ERI1: variants seen among roughly 807,000 people sequenced by gnomAD.
The protein encoded by ERI1 is 3'-5' exoribonuclease 1.
In ERI1, 39 loss-of-function variants were observed where a neutral mutation model predicts 39.7. That is an observed-to-expected ratio of 0.98 (90% CI 0.76 to 1.28). The LOEUF (loss-of-function observed/expected upper bound fraction) is 1.28, where lower values mean the gene tolerates loss of function less well. Among genes scored for constraint, ERI1 ranks in the 50% most tolerant of loss-of-function variants. The probability of loss-of-function intolerance (pLI) is 0.00; values close to 1 mark genes in which losing one functional copy is unlikely to be tolerated. For missense variants in ERI1, 581 were observed against 416.9 expected (o/e 1.39, Z -3.43); for synonymous variants, 204 against 149.6 (o/e 1.36, Z -2.65).
chr8:9,016,284 C>T, intron 3 of ERI1, 38 bp from the exon 4 acceptor site: 4 of 1,325,612 alleles, frequency 3.0e-6, no homozygotes, highest in South Asian at 1.3e-5. Flanking sequence ...TATCTTAACT[C>T]ATATAAATTA....
At chr8:9,050,170 C>A (rs1241440377) in intron 3 of ERI1, among the ~76,000 whole-genome samples, 2 of 149,082 alleles carry the variant, frequency 1.3e-5, no homozygotes. Flanking sequence ...TCTAAGTGGT[C>A]AAAAAAAAAA....
intron 3 of ERI1, among the ~76,000 whole-genome samples, chr8:9,074,164 A>G (rs1359046054): frequency 2.6e-5 from 4 of 151,656 alleles, no homozygotes; most frequent in Non-Finnish European, 5.9e-5. Flanking sequence ...ATACTGGAGT[A>G]TGGTGGTGCA....
At chr8:9,023,519 C>CTTT (rs1477737082) in intron 6 of ERI1, among the ~76,000 whole-genome samples, 1 of 151,992 alleles carries the variant, frequency 6.6e-6, no homozygotes, top group Non-Finnish European at 1.5e-5. Context: ...ATGCTCCCTC[C>CTTT]TTTTTTGAGT....
Position 9,032,978 on chromosome 8 carries a change from A to T in ERI1, c.*2944A>T, listed in dbSNP as rs1203616569. 1 of 152,236 alleles carries T rather than the reference A, an allele frequency of 6.6e-6. No homozygotes were observed. Among genetic ancestry groups the T allele is most frequent in the African/African-American group, 2.4e-5 (1 of 41,462 alleles). The allele number at this position is 152,236 out of a possible 1,614,324, so 9.4% of individuals were successfully genotyped here. On this transcript the variant is annotated 3_prime_UTR_variant, in exon 7 of 7. Coordinates refer to ENST00000250263, the MANE Select transcript of ERI1 (RefSeq NM_153332.4). ...CGAGACCAGAGACTGTGACTTCTGC[A>T]TCTTTGATTCCAGCGACATATGATA...
At chr8:9,084,098 T>A (rs1159090937) in intron 3 of ERI1, among the ~76,000 whole-genome samples, 1 of 149,170 alleles carries the variant, frequency 6.7e-6, no homozygotes, top group African/African-American at 2.4e-5. Flanking sequence ...CAGCCTAAAA[T>A]TTTTTTTTTT....
Position 9,004,382 on chromosome 8 carries a change from G to T in ERI1, c.108+1211G>T, listed in dbSNP as rs1310210215. ...ATGCTTCTTTATATTTGAAAGTCTT[G>T]ACACTTTTACAGCTACTTAAGGCCT... is the stretch of plus-strand genomic sequence containing the variant. On this transcript the variant is annotated intron_variant, in intron 1 of 6. Transcript: ENST00000250263. 5 of 825,134 alleles carry T rather than the reference G, an allele frequency of 6.1e-6. No homozygotes were observed. The East Asian group carries it at 4.2e-4, about 70-fold the overall frequency. The allele number at this position is 825,134 out of a possible 1,614,324, so 51.1% of individuals were successfully genotyped here.
At chr8:9,014,570 A>G (rs892025627) in intron 3 of ERI1, among the ~76,000 whole-genome samples, 1 of 152,228 alleles carries the variant, frequency 6.6e-6, no homozygotes, top group African/African-American at 2.4e-5. Context: ...GATTTGGCCA[A>G]TGAATGTATA....
chr8:9,021,412 A>G (rs1817877236), intron 6 of ERI1, among the ~76,000 whole-genome samples: 1 of 152,120 alleles, frequency 6.6e-6, no homozygotes, highest in Non-Finnish European at 1.5e-5. Flanking sequence ...ATTAGATACT[A>G]TGTCATTTTT....
intron 3 of ERI1, among the ~76,000 whole-genome samples, chr8:9,052,605 C>T (rs1303495169): frequency 6.6e-6 from 1 of 152,158 alleles, no homozygotes; most frequent in Non-Finnish European, 1.5e-5. Context: ...AGAACTGGGG[C>T]ACAGTTGGCA....
chr8:9,036,095 A>G (rs1797836432), downstream of ERI1, among the ~76,000 whole-genome samples: 3 of 152,212 alleles, frequency 2.0e-5, no homozygotes. Context: ...ATTTCTTGAG[A>G]TGGAATCTAT....
intron 6 of ERI1, among the ~76,000 whole-genome samples, chr8:9,021,601 A>C (rs1469454551): frequency 1.3e-5 from 2 of 152,046 alleles, no homozygotes; most frequent in South Asian, 2.1e-4. Flanking sequence ...CCACCCACTT[A>C]ACTCCCTTCC....
At chr8:9,041,030 A>C (rs1177951784) in intron 3 of ERI1, among the ~76,000 whole-genome samples, 1 of 152,224 alleles carries the variant, frequency 6.6e-6, no homozygotes, top group Non-Finnish European at 1.5e-5. Context: ...CAGTGCAGAC[A>C]GCTGAGCCCC....
chr8:9,086,864 C>G lies in ERI1; in HGVS notation n.300-29484C>G, dbSNP rs185003455. On this transcript the variant is annotated intron_variant and non_coding_transcript_variant, in intron 3 of 3. Transcript: ENST00000518663. ...TCAAACCATTATTCTGTATGTTTTC[C>G]TGCAATGGACTTACTATTATGTATA... Among the ~76,000 whole-genome samples, 3 of 152,234 alleles carry G rather than the reference C, an allele frequency of 2.0e-5. No homozygotes were observed. The East Asian group carries it at 5.8e-4, about 29-fold the overall frequency.
At position 9,030,274 on chromosome 8, in the gene ERI1, ACAAC is replaced by A. The variant is rs1563338598; in HGVS notation, c.*241_*244del. 4.4e-5 allele frequency: 22 copies of A among 502,912 alleles called. No individual in the cohort carries two copies. The highest frequency in any genetic ancestry group is 7.0e-5 in the Non-Finnish European group (20 of 284,944). 31.2% of individuals were successfully genotyped at this position (502,912 alleles called of 1,614,324 possible). A position where few individuals can be genotyped will look rare whatever the true frequency, so the allele number is the denominator to read the frequency against. The stretch of plus-strand genomic sequence containing the variant: ...CGTTACATAGTAACAGTTCCTGCTT[ACAAC>A]TGAATTTTATAATTTAAGGTGTTCA... On this transcript the variant is annotated 3_prime_UTR_variant, in exon 7 of 7. Coordinates refer to ENST00000250263, the MANE Select transcript of ERI1 (RefSeq NM_153332.4).
chr8:9,008,158 A>C lies in ERI1; in HGVS notation c.287+10A>C, dbSNP rs1175601739. The C allele has an allele frequency of 6.5e-7, 1 of 1,547,634 alleles. No homozygotes were observed. Among genetic ancestry groups the C allele is most frequent in the Non-Finnish European group, 8.7e-7 (1 of 1,148,988 alleles). On this transcript the variant is annotated intron_variant, in intron 2 of 6. Transcript: ENST00000250263. The stretch of plus-strand genomic sequence containing the variant: ...TCAAGCTTGAAACTAGGTAATTAAA[A>C]ATAACTTATAAAATTATAAAAGTAG...
chr8:9,071,750 G>C (rs551612358), intron 3 of ERI1, among the ~76,000 whole-genome samples: 1 of 152,322 alleles, frequency 6.6e-6, no homozygotes, highest in South Asian at 2.1e-4. Flanking sequence ...ACAGAGCAAG[G>C]TGATTCAACT....
At chr8:9,058,596 C>T (rs1798587555) in intron 3 of ERI1, among the ~76,000 whole-genome samples, 1 of 152,176 alleles carries the variant, frequency 6.6e-6, no homozygotes, top group South Asian at 2.1e-4. Flanking sequence ...TCTCTAGTAG[C>T]AAACTACAGA....
chr8:9,051,303 G>A (rs2117373587), intron 3 of ERI1, among the ~76,000 whole-genome samples: 1 of 152,172 alleles, frequency 6.6e-6, no homozygotes, highest in South Asian at 2.1e-4. Context: ...GTGGCTCACA[G>A]CATCACATGG....
At chr8:9,099,773 C>T (rs1299991256) in intron 3 of ERI1, 1 of 152,080 alleles carries the variant, frequency 6.6e-6, no homozygotes, top group East Asian at 1.9e-4. Context: ...GGGGTTGTTT[C>T]TACTTTTTGG....
Sources: gnomAD v4.1 joint callset for allele counts (sites outside exome capture counted in the v4.1 genomes callset) on GRCh38, gnomAD v4.1.1 for gene constraint, MANE v1.5 for transcripts, NCBI Gene and HGNC (gene_info 2026-07-23, HGNC 2026-07-21) for gene names.